The following SFSWAP variants were observed in gnomAD, a reference collection of about 807,000 sequenced individuals.
SFSWAP encodes the protein splicing factor, suppressor of white-apricot homolog.
In SFSWAP, 17 loss-of-function variants were observed where a neutral mutation model predicts 100.7. The observed-to-expected ratio is 0.17, with a 90% confidence interval of 0.12 to 0.25. SFSWAP has a LOEUF of 0.25. SFSWAP is among the 10% of genes least tolerant of loss of function. The probability of loss-of-function intolerance (pLI) is 1.00; values close to 1 mark genes in which losing one functional copy is unlikely to be tolerated. For missense variants in SFSWAP, 1,005 were observed against 1,262.6 expected (o/e 0.80, Z 3.09); for synonymous variants, 504 against 510.1 (o/e 0.99, Z 0.16).
At chr12:131,764,843 C>T (rs536389778) in intron 12 of SFSWAP, among the ~76,000 whole-genome samples, 157 bp downstream of exon 12, 3 of 152,348 alleles carry the variant, frequency 2.0e-5, no homozygotes, top group East Asian at 1.9e-4. Flanking sequence ...GGTTTTGAAA[C>T]GTTCTCTTTT....
At chr12:131,762,986 C>G (rs555665520) in intron 11 of SFSWAP, among the ~76,000 whole-genome samples, 2 of 152,298 alleles carry the variant, frequency 1.3e-5, no homozygotes, top group South Asian at 4.1e-4. Flanking sequence ...ACGTGCTCAT[C>G]ATCTGGCTTC....
intron 1 of SFSWAP, chr12:131,713,488 A>G (rs1395721094): frequency 6.6e-6 from 1 of 152,314 alleles, no homozygotes; most frequent in Non-Finnish European, 1.5e-5. Flanking sequence ...GTGTCTCTCT[A>G]TCACGTAACC....
At chr12:131,798,902 A>G (rs1427132314) in intron 16 of SFSWAP, 135 bp from the exon 17 acceptor site, 6 of 655,400 alleles carry the variant, frequency 9.2e-6, no homozygotes, top group Non-Finnish European at 8.2e-6. Flanking sequence ...AAAAAAAAAA[A>G]AAGATACTGG....
Position 131,765,666 on chromosome 12 carries a change from A to G in SFSWAP, c.1952-452A>G, listed in dbSNP as rs559779620. Among the ~76,000 whole-genome samples, 68 of 152,084 alleles carry G rather than the reference A, an allele frequency of 4.5e-4. No homozygotes were observed. The South Asian group carries it at 0.01, about 23-fold the overall frequency. ...CTCCGTCTCAAAGAAAAAAAAAAAA[A>G]GCCATTTTTCAACCACAATCCACCA... On this transcript the variant is annotated intron_variant, in intron 12 of 17. Transcript: ENST00000261674.
chr12:131,742,947 T>A (rs1880789715), intron 7 of SFSWAP, among the ~76,000 whole-genome samples: 1 of 152,156 alleles, frequency 6.6e-6, no homozygotes, highest in African/African-American at 2.4e-5. Context: ...ATGTCTTACA[T>A]GGATGGCAGC....
At chr12:131,795,339 C>T (rs1885550373) in intron 15 of SFSWAP, among the ~76,000 whole-genome samples, 1 of 152,184 alleles carries the variant, frequency 6.6e-6, no homozygotes, top group African/African-American at 2.4e-5. Flanking sequence ...TCACTGGCAC[C>T]AACACAGTCT....
chr12:131,771,579 G>A (rs1018902270), intron 13 of SFSWAP, among the ~76,000 whole-genome samples: 2 of 152,154 alleles, frequency 1.3e-5, no homozygotes, highest in Non-Finnish European at 2.9e-5. Context: ...CAGCCTTTCG[G>A]TGGGAAAGCA....
Position 131,749,310 on chromosome 12 carries a change from C to T in SFSWAP, c.1082-3813C>T, listed in dbSNP as rs540348766. Among the ~76,000 whole-genome samples, 288 of 152,322 alleles carry T rather than the reference C, an allele frequency of 1.9e-3. 4 individuals are homozygous for T. The highest frequency in any genetic ancestry group is 6.7e-3 in the African/African-American group (277 of 41,566). On this transcript the variant is annotated intron_variant, in intron 7 of 17. Coordinates refer to ENST00000261674, the MANE Select transcript of SFSWAP (RefSeq NM_004592.4). ...CCGGCATGTCGTGGCAGCCTGAGGACAGCAGGAGCCCCTTGGCACACTGTG... is the reference window on the plus strand; with the variant it reads ...CCGGCATGTCGTGGCAGCCTGAGGATAGCAGGAGCCCCTTGGCACACTGTG...
At chr12:131,727,194 G>A in intron 6 of SFSWAP, 142 bp downstream of exon 6, 1 of 631,042 alleles carries the variant, frequency 1.6e-6, no homozygotes, top group Non-Finnish European at 2.8e-6. Flanking sequence ...TTGCATTTTT[G>A]TTTTTAGCTG....
At chr12:131,756,891 T>C (rs1882226458) in intron 11 of SFSWAP, 1 of 433,350 alleles carries the variant, frequency 2.3e-6, no homozygotes, top group Non-Finnish European at 4.1e-6. Flanking sequence ...TTCAGTGTAC[T>C]GGACATTTGT....
At chr12:131,777,013 G>A (rs958597001) in intron 13 of SFSWAP, among the ~76,000 whole-genome samples, 4 of 152,142 alleles carry the variant, frequency 2.6e-5, no homozygotes, top group Admixed American at 6.5e-5. Context: ...AAACATCAAA[G>A]GGGAGCCTAG....
intron 13 of SFSWAP, among the ~76,000 whole-genome samples, chr12:131,774,214 G>A (rs907966740): frequency 2.4e-4 from 37 of 152,210 alleles, no homozygotes; most frequent in African/African-American, 8.9e-4. Context: ...GTGAAGGGAT[G>A]GAGAGCAACG....
intron 13 of SFSWAP, among the ~76,000 whole-genome samples, chr12:131,770,735 A>G (rs1355130658): frequency 6.6e-6 from 1 of 152,134 alleles, no homozygotes; most frequent in African/African-American, 2.4e-5. Context: ...TTAACTGTGC[A>G]GTTTATGCTG....
At chr12:131,782,968 G>C (rs542477654) in intron 14 of SFSWAP, among the ~76,000 whole-genome samples, 23 of 152,242 alleles carry the variant, frequency 1.5e-4, no homozygotes, top group African/African-American at 5.3e-4. Context: ...ATCACCTGAG[G>C]TCAGGAGTTT....
intron 14 of SFSWAP, chr12:131,784,856 A>G (rs1052488486): frequency 9.9e-6 from 4 of 405,942 alleles, no homozygotes; most frequent in African/African-American, 8.2e-5. Flanking sequence ...TATTACTAAT[A>G]GCCATGACAA....
At chr12:131,749,648 C>T (rs1881439882) in intron 7 of SFSWAP, among the ~76,000 whole-genome samples, 1 of 152,190 alleles carries the variant, frequency 6.6e-6, no homozygotes, top group Non-Finnish European at 1.5e-5. Flanking sequence ...GCTTCATGGT[C>T]ACTGCAGGAT....
At chr12:131,769,079 A>T (rs1883360520) in intron 13 of SFSWAP, among the ~76,000 whole-genome samples, 1 of 151,712 alleles carries the variant, frequency 6.6e-6, no homozygotes, top group South Asian at 2.1e-4. Context: ...GTGAGCCAAG[A>T]CTGCACCACT....
In SFSWAP at chr12:131,714,761, A is replaced by T. The variant is rs552902142; in HGVS notation, c.389-61A>T. On this transcript the variant is annotated intron_variant, in intron 2 of 17. Coordinates refer to ENST00000261674, the MANE Select transcript of SFSWAP (RefSeq NM_004592.4). This position sits in a 1 kb window ranked among gnomAD's most constrained non-coding sequence, Gnocchi z 6.0. ...TACTGATAGCTACAACTTTAGAAAT[A>T]TATAAAGTTTTTCTCAGTAATTTTC... The T allele has an allele frequency of 8.2e-6, 12 of 1,469,908 alleles. No homozygotes were observed. The East Asian group carries it at 2.9e-4, about 35-fold the overall frequency. 91.1% of individuals were successfully genotyped at this position (1,469,908 alleles called of 1,614,324 possible). A position where few individuals can be genotyped will look rare whatever the true frequency, so the allele number is the denominator to read the frequency against.
chr12:131,720,656 C>T (rs562268930), intron 4 of SFSWAP, among the ~76,000 whole-genome samples: 3 of 152,304 alleles, frequency 2.0e-5, no homozygotes, highest in South Asian at 4.1e-4. Flanking sequence ...CCTCCCACTG[C>T]GATCACTCGC....
Sources: allele counts gnomAD v4.1 joint callset (sites outside exome capture counted in the v4.1 genomes callset), GRCh38; gene constraint gnomAD v4.1.1; non-coding constraint Gnocchi (gnomAD v3.1); transcripts MANE v1.5; gene names NCBI Gene and HGNC (gene_info 2026-07-23, HGNC 2026-07-21).